Variants in TRDN observed in about 807,000 individuals in gnomAD.
TRDN encodes triadin, also known as triadin in skeletal muscle.
A neutral mutation model predicts 149.7 loss-of-function variants in TRDN; 161 were observed. The ratio of observed to expected loss-of-function variants is 1.08; its 90% confidence interval spans 0.95 to 1.23. The LOEUF (loss-of-function observed/expected upper bound fraction) is 1.23. Ranked by LOEUF, TRDN falls within the 50% of genes most tolerant of loss-of-function variation. The pLI is 0.00. For missense variants in TRDN, 896 were observed against 823.5 expected (o/e 1.09, Z -1.08); for synonymous variants, 294 against 250.5 (o/e 1.17, Z -1.64).
At chr6:123,325,196 A>C (rs1278581390) in intron 23 of TRDN, among the ~76,000 whole-genome samples, 1 of 152,158 alleles carries the variant, frequency 6.6e-6, no homozygotes, top group Non-Finnish European at 1.5e-5. Context: ...TAAGTCTGAT[A>C]CTAAGTAGCT....
intron 24 of TRDN, among the ~76,000 whole-genome samples, chr6:123,299,552 A>G (rs1196495870): frequency 6.6e-6 from 1 of 152,074 alleles, no homozygotes; most frequent in Non-Finnish European, 1.5e-5. Context: ...AAGTAAAAGA[A>G]AAGGGAAGAC....
intron 2 of TRDN, among the ~76,000 whole-genome samples, chr6:123,565,329 G>A (rs1378037435): frequency 6.6e-6 from 1 of 152,056 alleles, no homozygotes; most frequent in East Asian, 1.9e-4. Flanking sequence ...CCCCCACTTA[G>A]GGTTTCCAAA....
chr6:123,492,818 T>C (rs1482962416), intron 9 of TRDN, among the ~76,000 whole-genome samples: 1 of 152,164 alleles, frequency 6.6e-6, no homozygotes, highest in Non-Finnish European at 1.5e-5. Flanking sequence ...GTTTTAATAG[T>C]TCTCTTATGA....
chr6:123,386,779 A>G (rs1781919793), intron 14 of TRDN, among the ~76,000 whole-genome samples: 1 of 152,146 alleles, frequency 6.6e-6, no homozygotes, highest in South Asian at 2.1e-4. Context: ...GTGTTGCATT[A>G]TCTGGCCCCT....
Position 123,271,138 on chromosome 6 carries a change from C to T in TRDN, c.1720+1G>A. The T allele has an allele frequency of 1.3e-6, 2 of 1,523,444 alleles. No homozygotes were observed. The highest frequency in any genetic ancestry group is 1.8e-6 in the Non-Finnish European group (2 of 1,133,052). 94.4% of individuals were successfully genotyped at this position (1,523,444 alleles called of 1,614,324 possible). A position where few individuals can be genotyped will look rare whatever the true frequency, so the allele number is the denominator to read the frequency against. On this transcript the variant is annotated splice_donor_variant, in intron 30 of 40. Coordinates refer to ENST00000334268, the MANE Select transcript of TRDN (RefSeq NM_006073.4). LOFTEE classifies it high-confidence loss of function. ...AAAAAAATATAAAATACCTTATTTA[C>T]CTGTTTTTTCTATTGTGACAGCTTT... is the stretch of plus-strand genomic sequence containing the variant.
intron 8 of TRDN, among the ~76,000 whole-genome samples, chr6:123,501,640 C>A (rs1455675272): frequency 6.6e-6 from 1 of 151,994 alleles, no homozygotes; most frequent in Non-Finnish European, 1.5e-5. Context: ...TGAATACTTA[C>A]CTAATGATAC....
chr6:123,277,407 A>G (rs1237498905), intron 26 of TRDN, among the ~76,000 whole-genome samples: 1 of 152,156 alleles, frequency 6.6e-6, no homozygotes, highest in East Asian at 1.9e-4. Flanking sequence ...GCATCTCTCC[A>G]AAAGGTATGC....
intron 1 of TRDN, among the ~76,000 whole-genome samples, chr6:123,607,285 T>C (rs991633768): frequency 4.6e-5 from 7 of 152,292 alleles, no homozygotes; most frequent in African/African-American, 1.7e-4. Context: ...TAGACTAAAC[T>C]CAATGGGACT....
intron 12 of TRDN, among the ~76,000 whole-genome samples, chr6:123,412,263 G>A (rs1218571266): frequency 6.6e-6 from 1 of 152,198 alleles, no homozygotes; most frequent in Non-Finnish European, 1.5e-5. Context: ...ATGGGTGGGA[G>A]CTGGGGAGAA....
chr6:123,437,740 A>G (rs1294772774), intron 12 of TRDN, among the ~76,000 whole-genome samples: 1 of 152,080 alleles, frequency 6.6e-6, no homozygotes, highest in African/African-American at 2.4e-5. Context: ...TAAGACTGAA[A>G]GTTTACGTTT....
intron 8 of TRDN, chr6:123,498,668 G>T (rs1778549941): frequency 2.1e-6 from 1 of 468,176 alleles, no homozygotes; most frequent in Admixed American, 2.4e-5. Flanking sequence ...AAGACATAAG[G>T]TTAAGGTAGA....
intron 20 of TRDN, among the ~76,000 whole-genome samples, chr6:123,364,838 T>G (rs1389284691): frequency 6.6e-6 from 1 of 152,192 alleles, no homozygotes; most frequent in African/African-American, 2.4e-5. Context: ...TCTATGTCTA[T>G]GTTAGTGATT....
At chr6:123,533,193 T>C (rs1229195505) in intron 4 of TRDN, among the ~76,000 whole-genome samples, 2 of 152,150 alleles carry the variant, frequency 1.3e-5, no homozygotes, top group Non-Finnish European at 2.9e-5. Flanking sequence ...GAATGCTACA[T>C]TCACCATGTA....
At chr6:123,504,993 C>T (rs1422585651) in intron 7 of TRDN, among the ~76,000 whole-genome samples, 1 of 152,016 alleles carries the variant, frequency 6.6e-6, no homozygotes, top group Non-Finnish European at 1.5e-5. Context: ...TGCCTGTAAT[C>T]CCAGCACTTT....
chr6:123,350,062 AC>A (rs1670296806), intron 21 of TRDN: 15 of 982,808 alleles, frequency 1.5e-5, no homozygotes, highest in Non-Finnish European at 1.7e-5. Flanking sequence ...ATTATAGTGA[AC>A]TCTGATACAT....
Position 123,286,899 on chromosome 6 carries a change from C to T in TRDN, c.1511-7817G>A, listed in dbSNP as rs1302534094. On this transcript the variant is annotated intron_variant, in intron 24 of 40. Coordinates refer to ENST00000334268, the MANE Select transcript of TRDN (RefSeq NM_006073.4). ...AAATGTAGCTACTTGGACTCCATTC[C>T]AGACCTATCAAATCAGAAACTCTGG... Among the ~76,000 whole-genome samples the T allele has an allele frequency of 2.6e-5, 4 of 151,998 alleles. No homozygotes were observed. In the East Asian group the frequency reaches 7.7e-4, roughly 29 times the overall value.
At chr6:123,560,755 C>T (rs1830575) in intron 2 of TRDN, among the ~76,000 whole-genome samples, 75,421 of 151,970 alleles carry the variant, frequency 0.5, 19,493 homozygotes, top group East Asian at 0.91. Context: ...GCAAATGGTT[C>T]TTGGACCAAA....
chr6:123,366,372 A>T (rs1013531237), intron 19 of TRDN, among the ~76,000 whole-genome samples, 190 bp from the exon 20 acceptor site: 8 of 152,220 alleles, frequency 5.3e-5, no homozygotes, highest in African/African-American at 1.9e-4. Flanking sequence ...AAATAGCAAT[A>T]AAGAAATTCT....
At chr6:123,555,069 G>A (rs977279118) in intron 2 of TRDN, among the ~76,000 whole-genome samples, 3 of 152,136 alleles carry the variant, frequency 2.0e-5, no homozygotes, top group East Asian at 1.9e-4. Context: ...AGGTGTTTAC[G>A]AATAAACAAA....
Sources: gnomAD v4.1 joint callset for allele counts (sites outside exome capture counted in the v4.1 genomes callset) on GRCh38, gnomAD v4.1.1 for gene constraint, MANE v1.5 for transcripts, NCBI Gene and HGNC (gene_info 2026-07-23, HGNC 2026-07-21) for gene names.